The following DLGAP2 variants were observed in gnomAD, a reference collection of about 807,000 sequenced individuals.
DLGAP2 encodes the protein disks large-associated protein 2.
DLGAP2 carries 26 observed loss-of-function variants against 100.3 expected under a neutral mutation model. That is an observed-to-expected ratio of 0.26 (90% CI 0.19 to 0.36). The LOEUF (loss-of-function observed/expected upper bound fraction) is 0.36. Among genes scored for constraint, DLGAP2 ranks in the 10% least tolerant of loss-of-function variants. DLGAP2 has a pLI of 1.00. For missense variants in DLGAP2, 1,858 were observed against 1,453.2 expected, an observed-to-expected ratio of 1.28 and a Z score of -4.53; for synonymous variants, 886 against 630.1, an observed-to-expected ratio of 1.41 and a Z score of -6.08.
chr8:1,497,542 AC>A (rs954165019), intron 3 of DLGAP2, among the ~76,000 whole-genome samples: 15 of 152,320 alleles, frequency 9.8e-5, no homozygotes, highest in African/African-American at 3.6e-4. Flanking sequence ...AGAGAGATCT[AC>A]CAGAAGAAGG....
At chr8:1,234,803 C>G (rs918338619) in intron 2 of DLGAP2, among the ~76,000 whole-genome samples, 1 of 152,162 alleles carries the variant, frequency 6.6e-6, no homozygotes, top group Non-Finnish European at 1.5e-5. Flanking sequence ...TTTCATGTGC[C>G]CTCAAGTGAG....
At chr8:1,058,467 C>T (rs1458623923) in intron 2 of DLGAP2, among the ~76,000 whole-genome samples, 3 of 152,306 alleles carry the variant, frequency 2.0e-5, no homozygotes, top group East Asian at 3.9e-4. Flanking sequence ...AGGGTGGCTT[C>T]TAATACCTGC....
At chr8:1,061,426 G>C (rs920934439) in intron 2 of DLGAP2, among the ~76,000 whole-genome samples, 2 of 152,128 alleles carry the variant, frequency 1.3e-5, no homozygotes, top group Non-Finnish European at 2.9e-5. Context: ...GTTCGTTGAG[G>C]GAAAACCACG....
chr8:770,232 A>T (rs2132605406), intron 1 of DLGAP2, among the ~76,000 whole-genome samples: 1 of 152,258 alleles, frequency 6.6e-6, no homozygotes, highest in Middle Eastern at 3.4e-3. Context: ...CGGAATGCTC[A>T]TCTCGTCAGG....
intron 8 of DLGAP2, among the ~76,000 whole-genome samples, chr8:1,657,621 G>C (rs1308403855): frequency 2.0e-5 from 3 of 152,094 alleles, no homozygotes; most frequent in Non-Finnish European, 4.4e-5. Flanking sequence ...TATCACACAG[G>C]GCTGTACAGG....
intron 3 of DLGAP2, among the ~76,000 whole-genome samples, chr8:1,360,445 T>A (rs1411769061): frequency 6.7e-6 from 1 of 148,296 alleles, no homozygotes; most frequent in Non-Finnish European, 1.5e-5. Flanking sequence ...CCTGAGTGTT[T>A]TGCCCACTCC....
chr8:1,644,379 T>G, intron 8 of DLGAP2, among the ~76,000 whole-genome samples: 1 of 152,214 alleles, frequency 6.6e-6, no homozygotes, highest in Non-Finnish European at 1.5e-5. Flanking sequence ...ACGGCCCAGC[T>G]GCCCTCTCGC....
chr8:1,530,477 T>C lies in DLGAP2; in HGVS notation c.173-18149T>C, dbSNP rs907445580. Among the ~76,000 whole-genome samples, 6 of 152,178 alleles carry C rather than the reference T, an allele frequency of 3.9e-5. No homozygotes were observed. In the East Asian group the frequency reaches 1.2e-3, roughly 29 times the overall value. On this transcript the variant is annotated intron_variant, in intron 4 of 14. Coordinates refer to ENST00000637795, the MANE Select transcript of DLGAP2 (RefSeq NM_001346810.2). The stretch of plus-strand genomic sequence containing the variant: ...TCATATTGCTCAAACACACATGCTG[T>C]ACAATTTGTGCAGTTAATGCAATTA...
chr8:1,531,747 TAA>T (rs1350871988), intron 4 of DLGAP2, among the ~76,000 whole-genome samples: 3 of 152,222 alleles, frequency 2.0e-5, no homozygotes, highest in Non-Finnish European at 1.5e-5. Context: ...TGTGCATAAC[TAA>T]ATTTTGTTTC....
At chr8:1,293,831 TTCTA>T (rs10625089) in intron 3 of DLGAP2, among the ~76,000 whole-genome samples, 18,790 of 152,248 alleles carry the variant, frequency 0.12, 1,486 homozygotes, top group East Asian at 0.24. Flanking sequence ...TAGTATTTCT[TTCTA>T]TCTGTTATTC....
rs952502072 is a variant in DLGAP2 at position 861,422 on chromosome 8, G to C, written c.19-46490G>C. Among the ~76,000 whole-genome samples, 33 of 152,264 alleles carry C rather than the reference G, an allele frequency of 2.2e-4. 1 individual carries two copies. Among genetic ancestry groups the C allele is most frequent in the Admixed American group, 1.3e-3 (20 of 15,300 alleles). On this transcript the variant is annotated intron_variant, in intron 1 of 14. Transcript: ENST00000637795. ...TCTCCTCATGCTCGCAGTAGAAGAA[G>C]TTTGAAGCCCCTAGCACGGAATCTG...
chr8:1,197,913 A>T (rs901607967), intron 2 of DLGAP2, among the ~76,000 whole-genome samples: 1 of 152,164 alleles, frequency 6.6e-6, no homozygotes, highest in African/African-American at 2.4e-5. Flanking sequence ...GAGTGGAATC[A>T]GGGTGCATCC....
At chr8:1,054,685 C>G (rs1455455843) in intron 2 of DLGAP2, among the ~76,000 whole-genome samples, 2 of 152,096 alleles carry the variant, frequency 1.3e-5, no homozygotes, top group Non-Finnish European at 2.9e-5. Flanking sequence ...AAACAATGCA[C>G]TATTCTCAGC....
At chr8:1,379,202 G>C (rs1327727554) in intron 3 of DLGAP2, among the ~76,000 whole-genome samples, 1 of 152,244 alleles carries the variant, frequency 6.6e-6, no homozygotes, top group Non-Finnish European at 1.5e-5. Context: ...CCATCAGCCC[G>C]AGTCCTCCTG....
In DLGAP2 at chr8:1,022,611, C is replaced by T. The variant is rs182368280; in HGVS notation, c.73+114645C>T. Among the ~76,000 whole-genome samples, 78 of 146,754 alleles carry T rather than the reference C, an allele frequency of 5.3e-4. No homozygotes were observed. The East Asian group carries it at 7.3e-3, about 14-fold the overall frequency. ...CATCCTCCCTGGGAGTGGACACTCCCGTGCTTAGGTAGATGCTCCAAACAG... is the reference window on the plus strand; with the variant it reads ...CATCCTCCCTGGGAGTGGACACTCCTGTGCTTAGGTAGATGCTCCAAACAG... On this transcript the variant is annotated intron_variant, in intron 2 of 14. Coordinates refer to ENST00000637795, the MANE Select transcript of DLGAP2 (RefSeq NM_001346810.2).
intron 1 of DLGAP2, among the ~76,000 whole-genome samples, chr8:757,611 CTGGGTCACAGGCTGTG>C (rs1247963405): frequency 6.6e-6 from 1 of 152,190 alleles, no homozygotes; most frequent in Admixed American, 6.5e-5. Flanking sequence ...ACGGATGGTG[CTGGGTCACAGGCTGTG>C]TGGTCCACAG....
At chr8:826,943 G>C (rs7008171) in intron 1 of DLGAP2, among the ~76,000 whole-genome samples, 1 of 152,210 alleles carries the variant, frequency 6.6e-6, no homozygotes, top group African/African-American at 2.4e-5. Context: ...TCTCTCACTA[G>C]AGGAGGTGTT....
At chr8:1,638,669 C>A (rs1797826459) in intron 8 of DLGAP2, among the ~76,000 whole-genome samples, 1 of 152,206 alleles carries the variant, frequency 6.6e-6, no homozygotes, top group Admixed American at 6.5e-5. Flanking sequence ...CGGCTGAGCT[C>A]TGGGGAGCCG....
chr8:1,685,400 C>G (rs571599218), intron 12 of DLGAP2, among the ~76,000 whole-genome samples: 1 of 152,316 alleles, frequency 6.6e-6, no homozygotes, highest in Non-Finnish European at 1.5e-5. Flanking sequence ...AGCTACCAGC[C>G]TTAGGGGTCA....
Sources: allele counts gnomAD v4.1 joint callset (sites outside exome capture counted in the v4.1 genomes callset), GRCh38; gene constraint gnomAD v4.1.1; transcripts MANE v1.5; gene names NCBI Gene and HGNC (gene_info 2026-07-23, HGNC 2026-07-21).